The following RTN1 variants were observed in gnomAD, a reference collection of about 807,000 sequenced individuals.
RTN1 encodes the protein reticulon-1.
A neutral mutation model predicts 65.5 loss-of-function variants in RTN1; 25 were observed. The observed-to-expected ratio is 0.38, with a 90% CI of 0.28 to 0.53. The LOEUF (loss-of-function observed/expected upper bound fraction) is 0.53. RTN1 is among the 20% of genes least tolerant of loss of function. The probability of loss-of-function intolerance (pLI) is 0.79; values close to 1 mark genes in which losing one functional copy is unlikely to be tolerated. For synonymous variants in RTN1, 471 were observed against 447.6 expected, an observed-to-expected ratio of 1.05 and a Z score of -0.66; for missense variants, 983 against 1,025.4, an observed-to-expected ratio of 0.96 and a Z score of 0.57.
intron 3 of RTN1, among the ~76,000 whole-genome samples, chr14:59,710,481 C>T (rs750542999): frequency 7.9e-5 from 12 of 152,224 alleles, no homozygotes; most frequent in Admixed American, 5.9e-4. Flanking sequence ...CTGGCCACAG[C>T]TGAAAGGACC....
chr14:59,799,216 C>T (rs1280514180), intron 1 of RTN1, among the ~76,000 whole-genome samples: 4 of 152,160 alleles, frequency 2.6e-5, no homozygotes, highest in Admixed American at 6.5e-5. Context: ...GGATAGTACA[C>T]TTAGTCTGAA....
chr14:59,703,668 C>T (rs1884229139), intron 3 of RTN1, among the ~76,000 whole-genome samples: 1 of 152,202 alleles, frequency 6.6e-6, no homozygotes, highest in South Asian at 2.1e-4. Context: ...CCTACAAGAA[C>T]GTAAGTTCCG....
intron 1 of RTN1, among the ~76,000 whole-genome samples, chr14:59,795,313 T>C (rs1566729667): frequency 6.6e-6 from 1 of 152,188 alleles, no homozygotes; most frequent in Non-Finnish European, 1.5e-5. Flanking sequence ...GATACTTTGG[T>C]TTTTTTAACA....
At chr14:59,749,582 G>GATATCTAT (rs1410298928) in intron 1 of RTN1, among the ~76,000 whole-genome samples, 6,510 of 26,726 alleles carry the variant, frequency 0.24, 1,948 homozygotes, top group Middle Eastern at 0.4. Flanking sequence ...TATATATATA[G>GATATCTAT]ATATTTATAT....
intron 1 of RTN1, among the ~76,000 whole-genome samples, chr14:59,839,033 A>C (rs993133007): frequency 6.6e-6 from 1 of 152,196 alleles, no homozygotes; most frequent in Non-Finnish European, 1.5e-5. Flanking sequence ...GACCAAAAGA[A>C]AGAGACGCTT....
chr14:59,666,264 T>G (rs1883371039), intron 3 of RTN1, among the ~76,000 whole-genome samples: 1 of 151,946 alleles, frequency 6.6e-6, no homozygotes, highest in Non-Finnish European at 1.5e-5. Context: ...GTGCAATCAA[T>G]TACAACTCAG....
chr14:59,624,615 C>T (rs997304892), intron 3 of RTN1, among the ~76,000 whole-genome samples: 1 of 152,026 alleles, frequency 6.6e-6, no homozygotes, highest in African/African-American at 2.4e-5. Flanking sequence ...GCGTGTGCCA[C>T]CACGCCTGAC....
chr14:59,658,621 C>T (rs1883175930), intron 3 of RTN1, among the ~76,000 whole-genome samples: 1 of 152,160 alleles, frequency 6.6e-6, no homozygotes, highest in Admixed American at 6.5e-5. Flanking sequence ...CCAGAAAATT[C>T]CAGCAGACTT....
chr14:59,643,970 A>G (rs1882837256), intron 3 of RTN1, among the ~76,000 whole-genome samples: 1 of 152,224 alleles, frequency 6.6e-6, no homozygotes, highest in Admixed American at 6.5e-5. Flanking sequence ...GCTACTATGA[A>G]TATGTTCAAA....
intron 1 of RTN1, among the ~76,000 whole-genome samples, chr14:59,837,441 C>G (rs1957307): frequency 0.26 from 39,866 of 151,752 alleles, 5,550 homozygotes; most frequent in East Asian, 0.55. Context: ...ATCAATAATA[C>G]ATTTGAACAC....
Position 59,790,421 on chromosome 14 carries a change from A to G in RTN1, c.242-43940T>C, listed in dbSNP as rs1886327765. Among the ~76,000 whole-genome samples, 1 of 152,096 alleles carries G rather than the reference A, an allele frequency of 6.6e-6. No individual in the cohort carries two copies. The highest frequency in any genetic ancestry group is 2.4e-5 in the African/African-American group (1 of 41,418). ...ATGTTTAAATTTAAAACTAATAATAATATGAAACTCTTGTGTCACCTTTTA... is the reference window on the plus strand; with the variant it reads ...ATGTTTAAATTTAAAACTAATAATAGTATGAAACTCTTGTGTCACCTTTTA... On this transcript the variant is annotated intron_variant, in intron 1 of 8. Transcript: ENST00000267484. This position sits in a 1 kb window ranked among gnomAD's most constrained non-coding sequence, Gnocchi z 4.1.
Position 59,816,472 on chromosome 14 carries a change from A to G in RTN1, c.241+53918T>C, listed in dbSNP as rs1266018994. Among the ~76,000 whole-genome samples the G allele has an allele frequency of 2.0e-5, 3 of 152,270 alleles. No individual in the cohort carries two copies. The highest frequency in any genetic ancestry group is 7.2e-5 in the African/African-American group (3 of 41,542). On this transcript the variant is annotated intron_variant, in intron 1 of 8. Coordinates refer to ENST00000267484, the MANE Select transcript of RTN1 (RefSeq NM_021136.3). The surrounding 1 kb of genome is among the most constrained non-coding windows in gnomAD (Gnocchi z 4.3). ...TCCTCTTTAGCTCTGTATCTCCAGC[A>G]CTCACACAGCACCTGAGACACAGTA...
intron 3 of RTN1, among the ~76,000 whole-genome samples, chr14:59,679,457 T>G (rs1461407572): frequency 6.6e-6 from 1 of 152,210 alleles, no homozygotes; most frequent in African/African-American, 2.4e-5. Context: ...CATGAGGTCT[T>G]TATTTCTTCT....
chr14:59,639,715 A>C (rs1882737157), intron 3 of RTN1, among the ~76,000 whole-genome samples: 1 of 152,120 alleles, frequency 6.6e-6, no homozygotes. Flanking sequence ...TTTGTTTCCC[A>C]GTTTTCTGAG....
In RTN1 at chr14:59,749,338, CTA is replaced by C. The variant is rs1180265066; in HGVS notation, c.242-2859_242-2858del. On this transcript the variant is annotated intron_variant, in intron 1 of 8. Transcript: ENST00000267484. ...TATATATCTATATATCTATATATATCTATATATATCTATATATATCTATATAT... is the reference window on the plus strand; with the variant it reads ...TATATATCTATATATCTATATATATCTATATATCTATATATATCTATATAT... Among the ~76,000 whole-genome samples the C allele has an allele frequency of 4.6e-4, 12 of 26,180 alleles. 3 individuals carry two copies. Among genetic ancestry groups the C allele is most frequent in the African/African-American group, 9.9e-4 (3 of 3,030 alleles). The allele number at this position is 26,180 out of a possible 152,430, so 17.2% of individuals were successfully genotyped here.
Position 59,605,526 on chromosome 14 carries a change from A to T in RTN1, c.1974-20T>A, listed in dbSNP as rs922263049. 1 of 1,612,446 alleles carries T rather than the reference A, an allele frequency of 6.2e-7. No individual in the cohort carries two copies. Among genetic ancestry groups the T allele is most frequent in the African/African-American group, 1.3e-5 (1 of 74,800 alleles). ...TAGGCCCTGTCAACAAACCATTCCC[A>T]CAGAAAATTCCGTCAGAGGGAATCA... On this transcript the variant is annotated intron_variant, in intron 4 of 8. Transcript: ENST00000267484.
chr14:59,744,049 T>C (rs1253646459), intron 2 of RTN1, among the ~76,000 whole-genome samples: 1 of 152,186 alleles, frequency 6.6e-6, no homozygotes, highest in Non-Finnish European at 1.5e-5. Context: ...TGGAGTTCTA[T>C]GGTTGAATGA....
At chr14:59,811,023 G>T (rs1886719172) in intron 1 of RTN1, among the ~76,000 whole-genome samples, 1 of 152,284 alleles carries the variant, frequency 6.6e-6, no homozygotes, top group East Asian at 1.9e-4. Context: ...TTCTATATAT[G>T]TGTAAGTCTT....
chr14:59,807,588 C>A (rs538279152), intron 1 of RTN1, among the ~76,000 whole-genome samples: 2 of 152,204 alleles, frequency 1.3e-5, no homozygotes, highest in Non-Finnish European at 2.9e-5. Context: ...GCAGAGTTAA[C>A]ATAAAAGATG....
Sources: gnomAD v4.1 joint callset for allele counts (sites outside exome capture counted in the v4.1 genomes callset) on GRCh38, gnomAD v4.1.1 for gene constraint, Gnocchi (gnomAD v3.1) non-coding constraint, MANE v1.5 for transcripts, NCBI Gene and HGNC (gene_info 2026-07-23, HGNC 2026-07-21) for gene names.